ASB8: variants seen among roughly 807,000 people sequenced by gnomAD.
The protein encoded by ASB8 is ankyrin repeat and SOCS box protein 8.
ASB8 carries 15 observed loss-of-function variants against 22.9 expected under a neutral mutation model. That is an observed-to-expected ratio of 0.66 (90% CI 0.44 to 1.01). ASB8 has a LOEUF of 1.01. Ranked by LOEUF, ASB8 falls within the 50% of genes least tolerant of loss-of-function variation. The pLI, the probability that ASB8 is intolerant of heterozygous loss-of-function variation, is 0.00. For missense variants in ASB8, 294 were observed against 356.9 expected, an observed-to-expected ratio of 0.82 and a Z score of 1.42; for synonymous variants, 124 against 140.8, an observed-to-expected ratio of 0.88 and a Z score of 0.84.
rs371385289 is a variant in ASB8 at position 48,150,025 on chromosome 12, T to G, written c.235-27A>C. The G allele has an allele frequency of 6.3e-6, 10 of 1,599,830 alleles. No individual in the cohort carries two copies. In the African/African-American group the frequency reaches 1.3e-4, roughly 21 times the overall value. ...TGTAAAAAGGGAGGAACTATTACAG[T>G]AGACAGACTACTGAGAGGAAGACAG... On this transcript the variant is annotated intron_variant, in intron 3 of 3. Coordinates refer to ENST00000317697, the MANE Select transcript of ASB8 (RefSeq NM_024095.5).
rs1951136350 is a variant in ASB8, at chr12:48,148,448, C to G, written c.*918G>C. 6.6e-6 allele frequency: 1 copy of G among 152,126 alleles called. No individual in the cohort carries two copies. The highest frequency in any genetic ancestry group is 1.5e-5 in the Non-Finnish European group (1 of 68,042). 9.4% of individuals were successfully genotyped at this position (152,126 alleles called of 1,614,324 possible). On this transcript the variant is annotated 3_prime_UTR_variant, in exon 4 of 4. Transcript: ENST00000317697. ...TACTGTAGCCCTTGGGCACAACCAACAGAAAGAGGCAAAGACTGCTGTTTC... is the reference window on the plus strand; with the variant it reads ...TACTGTAGCCCTTGGGCACAACCAAGAGAAAGAGGCAAAGACTGCTGTTTC...
At chr12:48,153,752 A>G (rs1951241889) in intron 1 of ASB8, 1 of 290,272 alleles carries the variant, frequency 3.4e-6, no homozygotes, top group Non-Finnish European at 6.6e-6. Flanking sequence ...GATTTCCCCA[A>G]GAGGTACTAA....
chr12:48,151,277 G>T lies in ASB8; in HGVS notation c.158C>A (p.Thr53Lys). 1 of 1,614,050 alleles carries T rather than the reference G, an allele frequency of 6.2e-7. No homozygotes were observed. Among genetic ancestry groups the T allele is most frequent in the Non-Finnish European group, 8.5e-7 (1 of 1,179,908 alleles). ...GGADVNCTHG[T>K]LKPLHCACMV... ...ACAGGCACAGTGCAAGGGCTTCAGT[G>T]TGCCATGAGTGCAGTTCACATCTGC... The change falls in exon 3 of 4, where the codon ACA becomes AAA. Residue 53 changes from threonine (T) to lysine (K), a missense_variant. Thr to Lys is a moderately conservative substitution (Grantham distance 78, BLOSUM62 -1). Transcript: ENST00000317697.
At position 48,149,759 on chromosome 12, in the gene ASB8, A is replaced by G; in HGVS notation, c.474T>C (p.Ala158=). Residue 158 remains alanine (A), a synonymous_variant, in exon 4 of 4, where the codon GCT becomes GCC. Coordinates refer to ENST00000317697, the MANE Select transcript of ASB8 (RefSeq NM_024095.5). ...CACTCTCAAGATTTCCCTTCATGGC[A>G]GCCCAGCTGAGCGGTGTATCATTGT... ...DYNNDTPLSW[A]AMKGNLESVS... is the part of the protein sequence containing the mutation. The G allele has an allele frequency of 6.2e-7, 1 of 1,614,200 alleles. No individual in the cohort carries two copies. Among genetic ancestry groups the G allele is most frequent in the Non-Finnish European group, 8.5e-7 (1 of 1,180,034 alleles).
chr12:48,151,115 A>G, intron 3 of ASB8, 86 bp downstream of exon 3: 1 of 1,030,490 alleles, frequency 9.7e-7, no homozygotes, highest in Non-Finnish European at 1.5e-6. Flanking sequence ...GAGGGAAGAG[A>G]TGGAGGAGTG....
At chr12:48,156,907 G>C (rs983487539) in intron 1 of ASB8, among the ~76,000 whole-genome samples, 9 of 149,854 alleles carry the variant, frequency 6.0e-5, no homozygotes, top group African/African-American at 2.2e-4. Flanking sequence ...TCCTCTGCTA[G>C]AGCTGAAAGC....
In ASB8 at chr12:48,155,136, A is replaced by G. The variant is rs550620796; in HGVS notation, c.-33-1607T>C. Among the ~76,000 whole-genome samples, 4 of 152,344 alleles carry G rather than the reference A, an allele frequency of 2.6e-5. No individual in the cohort carries two copies. In the South Asian group the frequency reaches 6.2e-4, roughly 24 times the overall value. On this transcript the variant is annotated intron_variant, in intron 1 of 3. Coordinates refer to ENST00000317697, the MANE Select transcript of ASB8 (RefSeq NM_024095.5). ...AGACAAGAGTTAGGGACCATTTAAA[A>G]TTACAGCCAATAAGGTAGAACACTT...
At chr12:48,155,742 A>AAATATAT (rs371161682) in intron 1 of ASB8, among the ~76,000 whole-genome samples, 2 of 114,954 alleles carry the variant, frequency 1.7e-5, no homozygotes, top group African/African-American at 6.8e-5. Context: ...AAAAAAAAAA[A>AAATATAT]ATATATATAT....
At chr12:48,152,070 T>C (rs1951211736) in intron 2 of ASB8, among the ~76,000 whole-genome samples, 1 of 151,348 alleles carries the variant, frequency 6.6e-6, no homozygotes, top group Non-Finnish European at 1.5e-5. Context: ...GAGAATCGCT[T>C]GAACCTGGGA....
intron 1 of ASB8, among the ~76,000 whole-genome samples, chr12:48,155,602 C>A (rs2136082883): frequency 6.6e-6 from 1 of 150,906 alleles, no homozygotes; most frequent in South Asian, 2.1e-4. Context: ...CATGCACCAC[C>A]CCTGGTAGTC....
rs767907656 is a variant in ASB8, at chr12:48,149,873, G to C, written c.360C>G (p.Thr120=). 1 of 1,614,142 alleles carries C rather than the reference G, an allele frequency of 6.2e-7. No homozygotes were observed. The highest frequency in any genetic ancestry group is 2.2e-5 in the East Asian group (1 of 44,886). The part of the protein sequence containing the change: ...NPNALDGNRD[T]PLHWAAFKNN... The stretch of plus-strand genomic sequence containing the variant: ...TCTTAAAGGCTGCCCAGTGAAGTGG[G>C]GTATCTCTGTTGCCATCCAAAGCAT... The change falls in exon 4 of 4, where the codon ACC becomes ACG. Residue 120 remains threonine (T), a synonymous_variant. Transcript: ENST00000317697.
chr12:48,148,697 CTTG>C lies in ASB8; in HGVS notation c.*666_*668del, dbSNP rs910756273. The C allele has an allele frequency of 3.0e-5, 2 of 66,420 alleles. No homozygotes were observed. The highest frequency in any genetic ancestry group is 4.6e-4 in the East Asian group (1 of 2,184). The allele number at this position is 66,420 out of a possible 1,614,324, so 4.1% of individuals were successfully genotyped here. On this transcript the variant is annotated 3_prime_UTR_variant, in exon 4 of 4. Coordinates refer to ENST00000317697, the MANE Select transcript of ASB8 (RefSeq NM_024095.5). ...TTTTTTTTTTTGAGACAGTTTTGCT[CTTG>C]TTGTCCAGGCTGGAGTGCAATGGCG...
In ASB8 at chr12:48,149,939, C is replaced by T. The variant is rs1366629759; in HGVS notation, c.294G>A (p.Glu98=). 1 of 1,613,996 alleles carries T rather than the reference C, an allele frequency of 6.2e-7. No individual in the cohort carries two copies. Among genetic ancestry groups the T allele is most frequent in the Admixed American group, 1.7e-5 (1 of 60,016 alleles). ...ACTCCAATAGGACCTCCACACAAGCCTCATCTTTCTCTGCTGCATAGTGGA... is the reference window on the plus strand; with the variant it reads ...ACTCCAATAGGACCTCCACACAAGCTTCATCTTTCTCTGCTGCATAGTGGA... ...TALHYAAEKD[E]ACVEVLLEYG... The change falls in exon 4 of 4, where the codon GAG becomes GAA. Residue 98 remains glutamate, a synonymous_variant. Transcript: ENST00000317697.
Position 48,148,081 on chromosome 12 carries a change from C to G in ASB8, c.*1285G>C, listed in dbSNP as rs958554978. 7.2e-5 allele frequency: 11 copies of G among 152,210 alleles called. No homozygotes were observed. Among genetic ancestry groups the G allele is most frequent in the African/African-American group, 2.2e-4 (9 of 41,450 alleles). 9.4% of individuals were successfully genotyped at this position (152,210 alleles called of 1,614,324 possible). ...AAGGAGCTCTTACATGCTTTTCCCA[C>G]TCCCATCCCAAGTCCACCCTCCCAC... On this transcript the variant is annotated 3_prime_UTR_variant, in exon 4 of 4. Coordinates refer to ENST00000317697, the MANE Select transcript of ASB8 (RefSeq NM_024095.5).
chr12:48,155,559 T>C lies in ASB8; in HGVS notation c.-34+1900A>G, dbSNP rs761543998. On this transcript the variant is annotated intron_variant, in intron 1 of 3. Transcript: ENST00000317697. ...CAACATGGTGAAACCCCGTCTCTAC[T>C]GAAAATACAAAAAAATTAGCCAGGC... 4.0e-5 allele frequency among the ~76,000 whole-genome samples: 6 copies of C among 151,490 alleles called. No homozygotes were observed. The South Asian group carries it at 1.0e-3, about 26-fold the overall frequency.
chr12:48,150,762 C>T (rs1191172093), intron 3 of ASB8, among the ~76,000 whole-genome samples: 1 of 151,978 alleles, frequency 6.6e-6, no homozygotes, highest in East Asian at 1.9e-4. Context: ...TCTTAAGTAC[C>T]ACTTCTTAAG....
At chr12:48,152,622 TAAC>T (rs1214963862) in intron 2 of ASB8, among the ~76,000 whole-genome samples, 10 of 152,226 alleles carry the variant, frequency 6.6e-5, no homozygotes, top group Non-Finnish European at 1.0e-4. Context: ...TAGCTGCTTT[TAAC>T]ATAGAATGTA....
In ASB8 at chr12:48,149,765, G is replaced by C. The variant is rs1176496094; in HGVS notation, c.468C>G (p.Ser156Arg). 1.2e-6 allele frequency: 2 copies of C among 1,614,184 alleles called. No individual in the cohort carries two copies. Among genetic ancestry groups the C allele is most frequent in the South Asian group, 2.2e-5 (2 of 91,088 alleles). The change falls in exon 4 of 4, where the codon AGC becomes AGG. Residue 156 changes from serine to arginine, a missense_variant. Physicochemically the swap from Ser to Arg is moderately radical, Grantham distance 110. Transcript: ENST00000317697. ...ALDYNNDTPL[S>R]WAAMKGNLES... is the part of the protein sequence containing the mutation. ...CAAGATTTCCCTTCATGGCAGCCCAGCTGAGCGGTGTATCATTGTTGTAAT... is the reference window on the plus strand; with the variant it reads ...CAAGATTTCCCTTCATGGCAGCCCACCTGAGCGGTGTATCATTGTTGTAAT...
At position 48,153,201 on chromosome 12, in the gene ASB8, G is replaced by A. The variant is rs1014375787; in HGVS notation, c.129+167C>T. ...ACAAAGTGAAAGGGAGAAGGGAAGC[G>A]AAGCAAACATAGGGGAAATACATTT... On this transcript the variant is annotated intron_variant, in intron 2 of 3. Transcript: ENST00000317697. The A allele has an allele frequency of 2.7e-5, 21 of 779,540 alleles. 1 individual carries two copies. The highest frequency in any genetic ancestry group is 1.2e-4 in the South Asian group (7 of 58,144). The allele number at this position is 779,540 out of a possible 1,614,324, so 48.3% of individuals were successfully genotyped here.
Sources: allele counts gnomAD v4.1 joint callset (sites outside exome capture counted in the v4.1 genomes callset), GRCh38; gene constraint gnomAD v4.1.1; transcripts MANE v1.5; gene names NCBI Gene and HGNC (gene_info 2026-07-23, HGNC 2026-07-21).